Variants in TNPO2 observed in about 807,000 individuals in gnomAD.
TNPO2 encodes transportin-2.
TNPO2 carries 16 observed loss-of-function variants against 111.1 expected under a neutral mutation model. The ratio of observed to expected loss-of-function variants is 0.14; its 90% CI spans 0.10 to 0.22. TNPO2 has a LOEUF of 0.22. Ranked by LOEUF, TNPO2 falls within the 10% of genes least tolerant of loss-of-function variation. TNPO2 has a pLI of 1.00. For missense variants in TNPO2, 530 were observed against 1,173.7 expected, an observed-to-expected ratio of 0.45 and a Z score of 8.01; for synonymous variants, 481 against 475.8, an observed-to-expected ratio of 1.01 and a Z score of -0.14.
chr19:12,711,251 C>T, intron 12 of TNPO2, 45 bp downstream of exon 12: 1 of 1,597,306 alleles, frequency 6.3e-7, no homozygotes, highest in Non-Finnish European at 8.5e-7. Context: ...AAGAGGGAGT[C>T]CAGGGCTTGC....
intron 20 of TNPO2, 25 bp downstream of exon 20, chr19:12,703,403 G>C (rs1474012742): frequency 1.2e-6 from 2 of 1,604,568 alleles, no homozygotes; most frequent in South Asian, 1.1e-5. Flanking sequence ...TGGGGGGCGC[G>C]TGTTGCCACT....
Position 12,701,278 on chromosome 19 carries a change from C to T in TNPO2, c.*21-35G>A, listed in dbSNP as rs1023391891. On this transcript the variant is annotated intron_variant, in intron 25 of 25. Coordinates refer to ENST00000425528, the MANE Select transcript of TNPO2 (RefSeq NM_001382241.1). The surrounding 1 kb of genome is among the most constrained non-coding windows in gnomAD (Gnocchi z 5.0). ...GAGGAGGAAGGTCATGGCCTGGGAC[C>T]TTTCGGCCCCCAAGACAGTGCTGAC... 6 of 1,347,184 alleles carry T rather than the reference C, an allele frequency of 4.5e-6. No individual in the cohort carries two copies. In the South Asian group the frequency reaches 6.1e-5, roughly 14 times the overall value. The allele number at this position is 1,347,184 out of a possible 1,614,324, so 83.5% of individuals were successfully genotyped here.
rs1321995666 is a variant in TNPO2, at chr19:12,701,269, G to A, written c.*21-26C>T. ...CTGCAGGGGGAGGAGGAAGGTCATG[G>A]CCTGGGACCTTTCGGCCCCCAAGAC... On this transcript the variant is annotated intron_variant, in intron 25 of 25. Coordinates refer to ENST00000425528, the MANE Select transcript of TNPO2 (RefSeq NM_001382241.1). The surrounding 1 kb of genome is among the most constrained non-coding windows in gnomAD (Gnocchi z 5.0). The A allele has an allele frequency of 2.1e-5, 25 of 1,207,674 alleles. No individual in the cohort carries two copies. The highest frequency in any genetic ancestry group is 1.6e-5 in the Non-Finnish European group (13 of 830,322). The allele number at this position is 1,207,674 out of a possible 1,614,324, so 74.8% of individuals were successfully genotyped here.
chr19:12,716,193 C>G (rs909266602), intron 5 of TNPO2, among the ~76,000 whole-genome samples: 2 of 152,214 alleles, frequency 1.3e-5, no homozygotes, highest in African/African-American at 4.8e-5. Flanking sequence ...GAAGGGTACT[C>G]CTTGACTCAG....
rs781741763 is a variant in TNPO2, at chr19:12,706,533, G to A, written c.1496+37C>T. The A allele has an allele frequency of 1.9e-6, 3 of 1,607,014 alleles. No homozygotes were observed. Among genetic ancestry groups the A allele is most frequent in the East Asian group, 2.2e-5 (1 of 44,856 alleles). On this transcript the variant is annotated intron_variant, in intron 14 of 25. Transcript: ENST00000425528. This position sits in a 1 kb window ranked among gnomAD's most constrained non-coding sequence, Gnocchi z 7.0. ...ATCACTTCCCAGAGGGTGGCCGGGG[G>A]AGAGTGGGGGCTGTGGGATCAGGGG...
chr19:12,714,803 G>T lies in TNPO2; in HGVS notation c.890+18C>A. 6.2e-7 allele frequency: 1 copy of T among 1,602,158 alleles called. No homozygotes were observed. The highest frequency in any genetic ancestry group is 1.1e-5 in the South Asian group (1 of 90,830). ...GGGTCGAAGCTGGGGTAGGACAGTG[G>T]GCAGCAGCAGCACTCACTGGACCAG... On this transcript the variant is annotated intron_variant, in intron 10 of 25. Transcript: ENST00000425528.
In TNPO2 at chr19:12,701,957, G is replaced by A; in HGVS notation, c.2412-106C>T. The A allele has an allele frequency of 7.2e-7, 1 of 1,396,120 alleles. No homozygotes were observed. Among genetic ancestry groups the A allele is most frequent in the South Asian group, 1.2e-5 (1 of 86,156 alleles). The allele number at this position is 1,396,120 out of a possible 1,614,324, so 86.5% of individuals were successfully genotyped here. A position where few individuals can be genotyped will look rare whatever the true frequency, so the allele number is the denominator to read the frequency against. ...AGTGGGCCTGGGACATGCATCTGTGGGGGTGGGGCAGGGCAGGGAGTCAGT... is the reference window on the plus strand; with the variant it reads ...AGTGGGCCTGGGACATGCATCTGTGAGGGTGGGGCAGGGCAGGGAGTCAGT... On this transcript the variant is annotated intron_variant, in intron 22 of 25. Transcript: ENST00000425528. This position sits in a 1 kb window ranked among gnomAD's most constrained non-coding sequence, Gnocchi z 5.0.
At chr19:12,713,759 G>A (rs1160023470) in intron 10 of TNPO2, among the ~76,000 whole-genome samples, 1 of 152,108 alleles carries the variant, frequency 6.6e-6, no homozygotes, top group African/African-American at 2.4e-5. Flanking sequence ...TGGGTACAGT[G>A]GCTCGCACCT....
chr19:12,714,776 A>G, intron 10 of TNPO2, 45 bp downstream of exon 10: 1 of 1,506,696 alleles, frequency 6.6e-7, no homozygotes. Context: ...AGGCATAGCA[A>G]GGGGTCGAAG....
In TNPO2 at chr19:12,699,460, TTTTTAA is replaced by T. The variant is rs57928803; in HGVS notation, c.*1798_*1803del. 11,044 of 142,912 alleles carry T rather than the reference TTTTTAA, an allele frequency of 0.077. 1,145 individuals carry two copies. Among genetic ancestry groups the T allele is most frequent in the African/African-American group, 0.28 (9,350 of 33,072 alleles). 8.9% of individuals were successfully genotyped at this position (142,912 alleles called of 1,614,324 possible). ...ATAAATTAAAAAATTAAATAGTTTT[TTTTTAA>T]AAAAAAAAAAAAAAAGGAAAACGAG... On this transcript the variant is annotated 3_prime_UTR_variant, in exon 26 of 26. Transcript: ENST00000425528.
Position 12,701,462 on chromosome 19 carries a change from A to G in TNPO2, c.2587-9T>C, listed in dbSNP as rs1311848696. On this transcript the variant is annotated splice_polypyrimidine_tract_variant and intron_variant, in intron 24 of 25. Coordinates refer to ENST00000425528, the MANE Select transcript of TNPO2 (RefSeq NM_001382241.1). This position sits in a 1 kb window ranked among gnomAD's most constrained non-coding sequence, Gnocchi z 5.0. Reference sequence around the variant, plus strand: ...TTGAAGCCGTGGAGAATCTGTGGGGAGGGTGGTGGTGAGGGGTAGGCAGGG... The same window carrying G: ...TTGAAGCCGTGGAGAATCTGTGGGGGGGGTGGTGGTGAGGGGTAGGCAGGG... The G allele has an allele frequency of 6.2e-7, 1 of 1,612,546 alleles. No individual in the cohort carries two copies.
rs1269863369 is a variant in TNPO2 at position 12,702,491 on chromosome 19, C to T, written c.2306-314G>A. The stretch of plus-strand genomic sequence containing the variant: ...CTCATTGCAACCTGCCTCAGCCTCC[C>T]GAGTAGCTGGGATTGCAGGCACGTG... On this transcript the variant is annotated intron_variant, in intron 21 of 25. Coordinates refer to ENST00000425528, the MANE Select transcript of TNPO2 (RefSeq NM_001382241.1). This position sits in a 1 kb window ranked among gnomAD's most constrained non-coding sequence, Gnocchi z 5.5. The T allele has an allele frequency of 7.2e-6, 4 of 552,368 alleles. No individual in the cohort carries two copies. The highest frequency in any genetic ancestry group is 1.8e-5 in the South Asian group (1 of 54,190). 34.2% of individuals were successfully genotyped at this position (552,368 alleles called of 1,614,324 possible). A position where few individuals can be genotyped will look rare whatever the true frequency, so the allele number is the denominator to read the frequency against.
chr19:12,702,529 GC>G lies in TNPO2; in HGVS notation c.2305+293del, dbSNP rs1458213039. ...TTGCAGGCACGTGCCATTACCCCCG[GC>G]TAATTTTTGTATTTTTTAGTAGAGA... On this transcript the variant is annotated intron_variant, in intron 21 of 25. Transcript: ENST00000425528. This position sits in a 1 kb window ranked among gnomAD's most constrained non-coding sequence, Gnocchi z 5.5. 1 of 514,888 alleles carries G rather than the reference GC, an allele frequency of 1.9e-6. No individual in the cohort carries two copies. Among genetic ancestry groups the G allele is most frequent in the African/African-American group, 1.9e-5 (1 of 51,576 alleles). The allele number at this position is 514,888 out of a possible 1,614,324, so 31.9% of individuals were successfully genotyped here.
rs1424177528 is a variant in TNPO2, at chr19:12,711,466, G to A, written c.952-5C>T. On this transcript the variant is annotated splice_region_variant and splice_polypyrimidine_tract_variant and intron_variant, in intron 11 of 25. Coordinates refer to ENST00000425528, the MANE Select transcript of TNPO2 (RefSeq NM_001382241.1). Reference sequence around the variant, plus strand: ...CTCATCCTCCTCCACATCCCCCTGGGGGACAGGCAGACTGTTAAGTACTTT... The same window carrying A: ...CTCATCCTCCTCCACATCCCCCTGGAGGACAGGCAGACTGTTAAGTACTTT... 4.3e-6 allele frequency: 7 copies of A among 1,613,884 alleles called. No homozygotes were observed. The South Asian group carries it at 6.6e-5, about 15-fold the overall frequency.
At position 12,701,246 on chromosome 19, in the gene TNPO2, G is replaced by T; in HGVS notation, c.*21-3C>A. 2.1e-6 allele frequency: 2 copies of T among 930,518 alleles called. No homozygotes were observed. Among genetic ancestry groups the T allele is most frequent in the Non-Finnish European group, 3.3e-6 (2 of 605,468 alleles). The allele number at this position is 930,518 out of a possible 1,614,324, so 57.6% of individuals were successfully genotyped here. On this transcript the variant is annotated splice_polypyrimidine_tract_variant and splice_region_variant and intron_variant, in intron 25 of 25. Transcript: ENST00000425528. The surrounding 1 kb of genome is among the most constrained non-coding windows in gnomAD (Gnocchi z 5.0). ...CCGACGACGACGCAGACAGAAACCT[G>T]CAGGGGGAGGAGGAAGGTCATGGCC...
chr19:12,721,096 C>T lies in TNPO2; in HGVS notation c.-13-106G>A, dbSNP rs2026665542. On this transcript the variant is annotated intron_variant, in intron 2 of 25. Coordinates refer to ENST00000425528, the MANE Select transcript of TNPO2 (RefSeq NM_001382241.1). The surrounding 1 kb of genome is among the most constrained non-coding windows in gnomAD (Gnocchi z 4.9). ...GGCCGCATGACGACGGGAACGCCCTCGGCGGACAGGCGGAGGCCTCCGATC... is the reference window on the plus strand; with the variant it reads ...GGCCGCATGACGACGGGAACGCCCTTGGCGGACAGGCGGAGGCCTCCGATC... The T allele has an allele frequency of 1.1e-5, 17 of 1,527,222 alleles. No homozygotes were observed. Among genetic ancestry groups the T allele is most frequent in the Non-Finnish European group, 1.5e-5 (17 of 1,143,150 alleles). 94.6% of individuals were successfully genotyped at this position (1,527,222 alleles called of 1,614,324 possible).
rs1394297345 is a variant in TNPO2, at chr19:12,723,767, A to G, written c.-131+2T>C. The G allele has an allele frequency of 6.6e-6, 1 of 152,084 alleles. No homozygotes were observed. The highest frequency in any genetic ancestry group is 1.5e-5 in the Non-Finnish European group (1 of 68,020). 9.4% of individuals were successfully genotyped at this position (152,084 alleles called of 1,614,324 possible). A position where few individuals can be genotyped will look rare whatever the true frequency, so the allele number is the denominator to read the frequency against. Reference sequence around the variant, plus strand: ...AGGAGGGGAACAGCTATCTCAACCCACTTGCCGTAGGCAAAGTCAGTCCCG... The same window carrying G: ...AGGAGGGGAACAGCTATCTCAACCCGCTTGCCGTAGGCAAAGTCAGTCCCG... On this transcript the variant is annotated splice_donor_variant, in intron 1 of 25. Coordinates refer to ENST00000425528, the MANE Select transcript of TNPO2 (RefSeq NM_001382241.1). LOFTEE classifies it low-confidence loss of function (5UTR_SPLICE).
intron 3 of TNPO2, 99 bp downstream of exon 3, chr19:12,720,780 T>C (rs2026638815): frequency 7.0e-7 from 1 of 1,422,750 alleles, no homozygotes. Flanking sequence ...AGAAAAAATC[T>C]GGGGACTAGG....
chr19:12,723,719 G>A (rs1343098192), intron 1 of TNPO2, 50 bp downstream of exon 1: 2 of 152,188 alleles, frequency 1.3e-5, no homozygotes, highest in Non-Finnish European at 2.9e-5. Context: ...GAGAGGCAGA[G>A]GTCAATTTTT....
Sources: allele counts gnomAD v4.1 joint callset (sites outside exome capture counted in the v4.1 genomes callset), GRCh38; gene constraint gnomAD v4.1.1; non-coding constraint Gnocchi (gnomAD v3.1); transcripts MANE v1.5; gene names NCBI Gene and HGNC (gene_info 2026-07-23, HGNC 2026-07-21).